GGACT: variants seen among roughly 807,000 people sequenced by gnomAD.
GGACT encodes the protein gamma-glutamylaminecyclotransferase.
For missense variants in GGACT, 241 were observed against 233.2 expected (o/e 1.03, Z -0.22); for synonymous variants, 118 against 115.3 (o/e 1.02, Z -0.15).
chr13:100,560,792 A>C (rs2088752662), intron 2 of GGACT, among the ~76,000 whole-genome samples: 1 of 152,228 alleles, frequency 6.6e-6, no homozygotes, highest in Admixed American at 6.5e-5. Flanking sequence ...TTTTGGTGTC[A>C]GTGTGTTCCT....
chr13:100,553,953 T>C (rs970150361), intron 2 of GGACT, among the ~76,000 whole-genome samples: 1 of 152,094 alleles, frequency 6.6e-6, no homozygotes, highest in Non-Finnish European at 1.5e-5. Flanking sequence ...TGGTATACTT[T>C]CATAAAATGT....
chr13:100,579,370 C>T (rs530944986), intron 2 of GGACT, among the ~76,000 whole-genome samples: 12 of 152,156 alleles, frequency 7.9e-5, no homozygotes, highest in Non-Finnish European at 1.8e-4. Context: ...CTCTGACTTT[C>T]TCCTGCGTGT....
chr13:100,565,013 G>T (rs1478121941), intron 2 of GGACT, among the ~76,000 whole-genome samples: 1 of 152,200 alleles, frequency 6.6e-6, no homozygotes, highest in African/African-American at 2.4e-5. Flanking sequence ...ATGATGCAAG[G>T]AAAAGCCTGT....
intron 2 of GGACT, among the ~76,000 whole-genome samples, chr13:100,542,593 G>A (rs553469506): frequency 3.0e-4 from 45 of 152,272 alleles, no homozygotes; most frequent in Admixed American, 1.4e-3. Context: ...GTCGTTCCCT[G>A]ATGCTGATGT....
chr13:100,540,220 C>T (rs893017059), intron 2 of GGACT: 59 of 1,418,542 alleles, frequency 4.2e-5, no homozygotes, highest in South Asian at 1.6e-4. Context: ...CTTTTTGGCA[C>T]GACCATTGTT....
Sources: gnomAD v4.1 joint callset for allele counts (sites outside exome capture counted in the v4.1 genomes callset) on GRCh38, gnomAD v4.1.1 for gene constraint, MANE v1.5 for transcripts, NCBI Gene and HGNC (gene_info 2026-07-23, HGNC 2026-07-21) for gene names.